The following MYO3A variants were observed in gnomAD, a reference collection of about 807,000 sequenced individuals.
MYO3A encodes the protein myosin-IIIa.
Under a neutral mutation model 192.7 loss-of-function variants are expected in MYO3A, and 180 were observed. The observed-to-expected ratio is 0.93, with a 90% CI of 0.83 to 1.06. MYO3A has a LOEUF of 1.06. MYO3A is among the 50% of genes least tolerant of loss of function. The probability of loss-of-function intolerance (pLI) is 0.00; values close to 1 mark genes in which losing one functional copy is unlikely to be tolerated. For missense variants in MYO3A, 1,896 were observed against 1,905.0 expected (o/e 1.00, Z 0.09); for synonymous variants, 628 against 645.3 (o/e 0.97, Z 0.41).
chr10:26,172,673 A>G (rs1842107666), intron 29 of MYO3A, among the ~76,000 whole-genome samples: 1 of 152,254 alleles, frequency 6.6e-6, no homozygotes, highest in Admixed American at 6.5e-5. Context: ...ATACTAGTGT[A>G]GCGATTCATC....
At chr10:26,002,830 G>A (rs144814489) in intron 6 of MYO3A, among the ~76,000 whole-genome samples, 2 of 152,120 alleles carry the variant, frequency 1.3e-5, no homozygotes, top group Non-Finnish European at 2.9e-5. Context: ...ACAGCACCCA[G>A]CTAACTTCTG....
At chr10:26,001,671 C>A (rs961267411) in intron 6 of MYO3A, among the ~76,000 whole-genome samples, 3 of 152,250 alleles carry the variant, frequency 2.0e-5, no homozygotes, top group East Asian at 1.9e-4. Flanking sequence ...CTCTTTTCTC[C>A]TGACACAAGG....
At chr10:26,085,950 GA>G (rs927666639) in intron 14 of MYO3A, among the ~76,000 whole-genome samples, 1 of 152,062 alleles carries the variant, frequency 6.6e-6, no homozygotes, top group Non-Finnish European at 1.5e-5. Context: ...TGCTCTACAG[GA>G]TTTCTTCTGG....
intron 4 of MYO3A, among the ~76,000 whole-genome samples, chr10:25,965,016 G>A (rs1331675451): frequency 6.6e-6 from 1 of 152,098 alleles, no homozygotes; most frequent in Non-Finnish European, 1.5e-5. Context: ...TTCTCTTGCT[G>A]CTTTTAGGAT....
intron 4 of MYO3A, among the ~76,000 whole-genome samples, chr10:25,982,319 C>T (rs961582897): frequency 2.6e-5 from 4 of 152,112 alleles, no homozygotes; most frequent in African/African-American, 7.2e-5. Context: ...ACTCTGGTAG[C>T]CAAAGAGGAA....
chr10:25,980,259 A>C (rs1468915168), intron 4 of MYO3A, among the ~76,000 whole-genome samples: 2 of 151,406 alleles, frequency 1.3e-5, no homozygotes, highest in South Asian at 2.1e-4. Context: ...AAAGCAAAAA[A>C]CCCCACATAA....
chr10:26,020,968 T>A (rs1181906485), intron 7 of MYO3A, among the ~76,000 whole-genome samples: 1 of 152,216 alleles, frequency 6.6e-6, no homozygotes, highest in Non-Finnish European at 1.5e-5. Flanking sequence ...CTTTTATTAG[T>A]GGCTTAAACC....
intron 4 of MYO3A, among the ~76,000 whole-genome samples, chr10:25,958,069 A>C (rs1402868024): frequency 2.6e-5 from 4 of 151,978 alleles, no homozygotes; most frequent in Non-Finnish European, 5.9e-5. Context: ...TTCTTTTGCT[A>C]TACAGAAGCT....
chr10:26,060,333 T>G (rs1834384701), intron 10 of MYO3A, among the ~76,000 whole-genome samples: 1 of 151,892 alleles, frequency 6.6e-6, no homozygotes, highest in African/African-American at 2.4e-5. Context: ...CCTGGCATGG[T>G]GGCGGGTGCC....
At chr10:26,027,354 G>GT (rs58919414) in intron 10 of MYO3A, among the ~76,000 whole-genome samples, 13 of 151,292 alleles carry the variant, frequency 8.6e-5, no homozygotes, top group African/African-American at 1.9e-4. Flanking sequence ...ATACTTTTTT[G>GT]TTTTTTTTGA....
intron 6 of MYO3A, among the ~76,000 whole-genome samples, chr10:25,999,328 TTCC>T: frequency 6.6e-6 from 1 of 152,340 alleles, no homozygotes; most frequent in African/African-American, 2.4e-5. Flanking sequence ...ATGAAATGCA[TTCC>T]TAGTATCTGA....
chr10:26,100,019 C>T (rs1366903712), intron 17 of MYO3A, among the ~76,000 whole-genome samples: 2 of 152,132 alleles, frequency 1.3e-5, no homozygotes, highest in Non-Finnish European at 2.9e-5. Flanking sequence ...TGGTAGAATT[C>T]GGCTGTGAAT....
chr10:25,994,295 G>C (rs1400515260), intron 4 of MYO3A, among the ~76,000 whole-genome samples: 1 of 152,206 alleles, frequency 6.6e-6, no homozygotes, highest in Middle Eastern at 3.4e-3. Flanking sequence ...TTTGATCTTT[G>C]TTGGTTTAAA....
At chr10:25,988,390 AT>A in intron 4 of MYO3A, among the ~76,000 whole-genome samples, 1 of 152,160 alleles carries the variant, frequency 6.6e-6, no homozygotes, top group Non-Finnish European at 1.5e-5. Flanking sequence ...TAAAAATAAA[AT>A]AAAAAAATAG....
intron 17 of MYO3A, among the ~76,000 whole-genome samples, chr10:26,115,150 T>C (rs1455263037): frequency 1.3e-5 from 2 of 152,104 alleles, no homozygotes; most frequent in Non-Finnish European, 2.9e-5. Context: ...ATAGGGGCCA[T>C]TGAAGGATTT....
chr10:26,131,412 A>G (rs1839526074), intron 20 of MYO3A, among the ~76,000 whole-genome samples: 1 of 152,160 alleles, frequency 6.6e-6, no homozygotes, highest in Non-Finnish European at 1.5e-5. Flanking sequence ...AGATAGTTTT[A>G]TGTTTCTTGG....
At chr10:26,122,713 C>G (rs1423832812) in intron 18 of MYO3A, among the ~76,000 whole-genome samples, 3 of 152,110 alleles carry the variant, frequency 2.0e-5, no homozygotes, top group East Asian at 1.9e-4. Context: ...CCCTCTCCCC[C>G]TCCTTCTCCT....
At chr10:26,170,122 C>T (rs1841973067) in intron 28 of MYO3A, among the ~76,000 whole-genome samples, 1 of 152,172 alleles carries the variant, frequency 6.6e-6, no homozygotes, top group Non-Finnish European at 1.5e-5. Flanking sequence ...ATGATTATTA[C>T]TGAATTTTAA....
rs1842430191 is a variant in MYO3A, at chr10:26,023,976, T to C, written c.732-46T>C. ...TCTGGCTCTGCCTCTCATTTTACAC[T>C]GACTGACCAATATACAGAATCCAAC... On this transcript the variant is annotated intron_variant, in intron 8 of 34. Transcript: ENST00000642920. The C allele has an allele frequency of 3.2e-6, 5 of 1,546,098 alleles. No individual in the cohort carries two copies. In the African/African-American group the frequency reaches 4.1e-5, roughly 13 times the overall value.
Sources: gnomAD v4.1 joint callset for allele counts (sites outside exome capture counted in the v4.1 genomes callset) on GRCh38, gnomAD v4.1.1 for gene constraint, MANE v1.5 for transcripts, NCBI Gene and HGNC (gene_info 2026-07-23, HGNC 2026-07-21) for gene names.